The following DLC1 variants were observed in gnomAD, a reference collection of about 807,000 sequenced individuals.
The protein encoded by DLC1 is rho GTPase-activating protein 7.
A neutral mutation model predicts 140.3 loss-of-function variants in DLC1; 54 were observed. The observed-to-expected ratio is 0.38, with a 90% CI of 0.31 to 0.48. The LOEUF (loss-of-function observed/expected upper bound fraction) is 0.48. Among genes scored for constraint, DLC1 ranks in the 20% least tolerant of loss-of-function variants. The pLI is 0.96. For missense variants in DLC1, 2,536 were observed against 1,907.0 expected (o/e 1.33, Z -6.14); for synonymous variants, 986 against 728.1 (o/e 1.35, Z -5.70).
At chr8:13,149,670 C>A (rs1429470798) in intron 5 of DLC1, among the ~76,000 whole-genome samples, 1 of 152,190 alleles carries the variant, frequency 6.6e-6, no homozygotes. Context: ...GACATTCCCC[C>A]TATCTTCAGA....
chr8:13,581,352 C>G (rs573111526), intron 1 of DLC1, among the ~76,000 whole-genome samples: 1 of 152,280 alleles, frequency 6.6e-6, no homozygotes, highest in East Asian at 1.9e-4. Context: ...GTTAGTCTGT[C>G]CCAAACAAAA....
intron 2 of DLC1, among the ~76,000 whole-genome samples, chr8:13,464,516 A>G (rs1799831310): frequency 6.6e-6 from 1 of 151,976 alleles, no homozygotes; most frequent in Non-Finnish European, 1.5e-5. Context: ...ACATCAGTTG[A>G]TACACGAAAC....
chr8:13,326,113 C>T (rs975575092), intron 4 of DLC1, among the ~76,000 whole-genome samples: 4 of 152,116 alleles, frequency 2.6e-5, no homozygotes, highest in Admixed American at 2.6e-4. Context: ...ATGTGCATTG[C>T]CTAATGATGC....
intron 4 of DLC1, among the ~76,000 whole-genome samples, chr8:13,390,635 G>T (rs527587299): frequency 6.6e-6 from 1 of 152,246 alleles, no homozygotes; most frequent in South Asian, 2.1e-4. Context: ...AACCACCATG[G>T]CACACGTATG....
At chr8:13,453,406 A>ATATATATATATATATATGTG (rs1799172566) in intron 2 of DLC1, among the ~76,000 whole-genome samples, 3 of 44,680 alleles carry the variant, frequency 6.7e-5, no homozygotes, top group Non-Finnish European at 1.0e-4. Context: ...ATATATGTGT[A>ATATATATATATATATATGTG]TATATATATA....
At chr8:13,447,256 A>C (rs1798818027) in intron 2 of DLC1, among the ~76,000 whole-genome samples, 3 of 152,284 alleles carry the variant, frequency 2.0e-5, no homozygotes, top group East Asian at 3.9e-4. Context: ...ACTGAGATTA[A>C]AATATATGCT....
intron 2 of DLC1, among the ~76,000 whole-genome samples, chr8:13,447,770 C>A (rs975798469): frequency 6.6e-6 from 1 of 151,990 alleles, no homozygotes; most frequent in Non-Finnish European, 1.5e-5. Flanking sequence ...TAGTGTTGTT[C>A]TTTATTTTTA....
At chr8:13,365,445 G>A (rs2117093545) in intron 4 of DLC1, among the ~76,000 whole-genome samples, 1 of 152,200 alleles carries the variant, frequency 6.6e-6, no homozygotes, top group South Asian at 2.1e-4. Flanking sequence ...GGATCTTCTG[G>A]AAAGTCAGGT....
intron 5 of DLC1, among the ~76,000 whole-genome samples, chr8:13,303,134 T>C (rs934442042): frequency 4.6e-5 from 7 of 152,334 alleles, no homozygotes; most frequent in South Asian, 2.1e-4. Flanking sequence ...CATTTTCTCC[T>C]AAATATATCA....
intron 3 of DLC1, 148 bp from the exon 4 acceptor site, chr8:13,393,841 C>G: frequency 1.1e-6 from 1 of 914,668 alleles, no homozygotes; most frequent in Non-Finnish European, 1.6e-6. Flanking sequence ...TGACGTGTCA[C>G]ACATAATCAT....
chr8:13,280,394 G>A (rs1586063371), intron 5 of DLC1, among the ~76,000 whole-genome samples: 2 of 151,992 alleles, frequency 1.3e-5, no homozygotes, highest in South Asian at 2.1e-4. Flanking sequence ...AGCCATTGGT[G>A]GAGGTGCTGT....
chr8:13,488,276 G>A (rs1386910683), intron 2 of DLC1, among the ~76,000 whole-genome samples: 1 of 152,128 alleles, frequency 6.6e-6, no homozygotes, highest in East Asian at 1.9e-4. Flanking sequence ...GAACCATTTT[G>A]TTAATATATC....
chr8:13,088,787 A>T (rs1323607643), intron 15 of DLC1, 83 bp from the exon 16 acceptor site: 5 of 1,187,988 alleles, frequency 4.2e-6, no homozygotes, highest in Non-Finnish European at 6.1e-6. Flanking sequence ...TAGACTAACA[A>T]TTTTAGTTAC....
rs951247654 is a variant in DLC1 at position 13,215,102 on chromosome 8, C to A, written c.1348+90167G>T. On this transcript the variant is annotated intron_variant, in intron 5 of 17. Transcript: ENST00000276297. Reference sequence around the variant, plus strand: ...AGGATTATAACCATGAACAAAACAGCCCCAAATCCCTGCCCTTTGGAAGCT... The same window carrying A: ...AGGATTATAACCATGAACAAAACAGACCCAAATCCCTGCCCTTTGGAAGCT... Among the ~76,000 whole-genome samples, 3 of 152,282 alleles carry A rather than the reference C, an allele frequency of 2.0e-5. No homozygotes were observed. In the East Asian group the frequency reaches 5.8e-4, roughly 29 times the overall value.
chr8:13,490,041 G>T (rs527415447), intron 2 of DLC1, among the ~76,000 whole-genome samples: 318 of 64,860 alleles, frequency 4.9e-3, no homozygotes, highest in Middle Eastern at 0.039. Context: ...GGCTCACAAA[G>T]GTTAAATACA....
At chr8:13,459,844 A>G (rs1358553843) in intron 2 of DLC1, among the ~76,000 whole-genome samples, 1 of 152,218 alleles carries the variant, frequency 6.6e-6, no homozygotes, top group East Asian at 1.9e-4. Flanking sequence ...CACACGCTAT[A>G]AAAAGGTTTC....
In DLC1 at chr8:13,328,414, G is replaced by A. The variant is rs549582243; in HGVS notation, c.1315-23112C>T. ...GGTTGATTGCGGGAGTGTAGAAGAC[G>A]TCACAGTCGAAGAAGCCTCTCAGAT... is the stretch of plus-strand genomic sequence containing the variant. On this transcript the variant is annotated intron_variant, in intron 4 of 17. Coordinates refer to ENST00000276297, the MANE Select transcript of DLC1 (RefSeq NM_182643.3). 4.6e-5 allele frequency among the ~76,000 whole-genome samples: 7 copies of A among 152,230 alleles called. 1 individual carries two copies. In the South Asian group the frequency reaches 8.3e-4, roughly 18 times the overall value.
chr8:13,444,540 A>G (rs1025129584), intron 2 of DLC1, among the ~76,000 whole-genome samples: 1 of 152,200 alleles, frequency 6.6e-6, no homozygotes, highest in Admixed American at 6.5e-5. Context: ...GTTTAGGTGC[A>G]TTCTACACTA....
chr8:13,277,705 T>C (rs1831226005), intron 5 of DLC1, among the ~76,000 whole-genome samples: 1 of 152,216 alleles, frequency 6.6e-6, no homozygotes, highest in African/African-American at 2.4e-5. Context: ...TTTTTTTCTG[T>C]CTAGCAAATC....
Sources: gnomAD v4.1 joint callset for allele counts (sites outside exome capture counted in the v4.1 genomes callset) on GRCh38, gnomAD v4.1.1 for gene constraint, MANE v1.5 for transcripts, NCBI Gene and HGNC (gene_info 2026-07-23, HGNC 2026-07-21) for gene names.